Variants in GOLGB1 observed in about 807,000 individuals in gnomAD.
GOLGB1 encodes the protein golgin subfamily B member 1.
Under a neutral mutation model 336.9 loss-of-function variants are expected in GOLGB1, and 174 were observed. The ratio of observed to expected loss-of-function variants is 0.52; its 90% CI spans 0.46 to 0.59. The LOEUF (loss-of-function observed/expected upper bound fraction) is 0.59. GOLGB1 is among the 20% of genes least tolerant of loss of function. The pLI, the probability that GOLGB1 is intolerant of heterozygous loss-of-function variation, is 0.00. For missense variants in GOLGB1, 3,331 were observed against 3,645.3 expected (o/e 0.91, Z 2.22); for synonymous variants, 1,208 against 1,289.2 (o/e 0.94, Z 1.35).
In GOLGB1 at chr3:121,664,984, G is replaced by A; in HGVS notation, c.9602C>T (p.Ser3201Phe). ...CAGTGCCTGCTCCTGAGTGCCACAG[G>A]AGCCAATGATAGGAGTCCGGGAAGA... ...WDSSRTPIIG[S>F]CGTQEQALLI... The change falls in exon 21 of 22, where the codon TCC becomes TTC. Residue 3201 changes from serine (S) to phenylalanine (F), a missense_variant. Coordinates refer to ENST00000614479, the MANE Select transcript of GOLGB1 (RefSeq NM_001366282.2). 3 of 1,612,444 alleles carry A rather than the reference G, an allele frequency of 1.9e-6. No homozygotes were observed. Among genetic ancestry groups the A allele is most frequent in the East Asian group, 2.2e-5 (1 of 44,872 alleles).
chr3:121,693,943 C>G lies in GOLGB1; in HGVS notation c.6580G>C (p.Ala2194Pro). ...NLDSTVTQLA[A>P]FTKSMSSLQD... ...AGGGAAGACATGCTCTTAGTAAAGG[C>G]TGCAAGCTGGGTCACAGTACTGTCC... The change falls in exon 13 of 22, where the codon GCC becomes CCC. Residue 2194 changes from alanine to proline, a missense_variant. By Grantham distance (27) the Ala-to-Pro change is conservative. Transcript: ENST00000614479. 6.2e-7 allele frequency: 1 copy of G among 1,614,082 alleles called. No homozygotes were observed. Among genetic ancestry groups the G allele is most frequent in the South Asian group, 1.1e-5 (1 of 91,082 alleles).
chr3:121,667,943 G>A, intron 19 of GOLGB1, 118 bp downstream of exon 19: 2 of 593,164 alleles, frequency 3.4e-6, no homozygotes, highest in South Asian at 4.9e-5. Context: ...ACTTCTGTGA[G>A]GCTAATAAGA....
At chr3:121,690,366 CAT>C (rs547575308) in intron 14 of GOLGB1, among the ~76,000 whole-genome samples, 103 of 152,274 alleles carry the variant, frequency 6.8e-4, no homozygotes, top group African/African-American at 2.2e-3. Flanking sequence ...AACATTTACA[CAT>C]GTCTTTGTGT....
At chr3:121,685,428 G>A (rs1314688881) in intron 14 of GOLGB1, among the ~76,000 whole-genome samples, 12 of 152,090 alleles carry the variant, frequency 7.9e-5, no homozygotes, top group Admixed American at 2.0e-4. Flanking sequence ...CCAGCTACTC[G>A]GGAGGCTGAG....
At chr3:121,726,433 C>CAAAAAAAAAAAAA (rs10547964) in intron 5 of GOLGB1, among the ~76,000 whole-genome samples, 1 of 61,452 alleles carries the variant, frequency 1.6e-5, no homozygotes, top group African/African-American at 6.9e-5. Context: ...CACCCTGTCT[C>CAAAAAAAAAAAAA]AAAAAAAAAA....
intron 5 of GOLGB1, among the ~76,000 whole-genome samples, chr3:121,722,971 C>G (rs1290106283): frequency 1.3e-5 from 2 of 152,142 alleles, no homozygotes; most frequent in African/African-American, 2.4e-5. Flanking sequence ...TGAACTCTCA[C>G]AACTGACTCA....
rs577144007 is a variant in GOLGB1, at chr3:121,725,269, C to A, written c.531+1644G>T. 1.6e-4 allele frequency among the ~76,000 whole-genome samples: 25 copies of A among 152,322 alleles called. No individual in the cohort carries two copies. The South Asian group carries it at 5.0e-3, about 30-fold the overall frequency. ...AGTCAGCCTGGGAATGCTGGCTGGA[C>A]TAAGCCCAGCAAAGCCATAGGGACA... is the stretch of plus-strand genomic sequence containing the variant. On this transcript the variant is annotated intron_variant, in intron 5 of 21. Transcript: ENST00000614479.
At chr3:121,684,750 T>C (rs985654998) in intron 14 of GOLGB1, among the ~76,000 whole-genome samples, 4 of 152,178 alleles carry the variant, frequency 2.6e-5, no homozygotes, top group Non-Finnish European at 4.4e-5. Context: ...AAATTTACCT[T>C]CCACATACCA....
chr3:121,748,153 T>C (rs999850205), intron 1 of GOLGB1, among the ~76,000 whole-genome samples: 1 of 152,154 alleles, frequency 6.6e-6, no homozygotes, highest in Non-Finnish European at 1.5e-5. Flanking sequence ...AGAGTCTGGA[T>C]GCCAGAAATG....
chr3:121,743,263 C>T (rs1315390272), intron 1 of GOLGB1, among the ~76,000 whole-genome samples: 1 of 152,172 alleles, frequency 6.6e-6, no homozygotes, highest in Non-Finnish European at 1.5e-5. Context: ...GGCACATATA[C>T]ACCATGGAAT....
chr3:121,684,025 G>A (rs1941414986), intron 14 of GOLGB1, among the ~76,000 whole-genome samples: 1 of 150,960 alleles, frequency 6.6e-6, no homozygotes, highest in African/African-American at 2.4e-5. Context: ...CTACTCATTA[G>A]GCTGAGGCAG....
chr3:121,691,160 G>C lies in GOLGB1; in HGVS notation c.8204C>G (p.Thr2735Arg), dbSNP rs776862953. 5 of 1,613,552 alleles carry C rather than the reference G, an allele frequency of 3.1e-6. No individual in the cohort carries two copies. The Admixed American group carries it at 8.3e-5, about 27-fold the overall frequency. Residue 2735 changes from threonine to arginine, a missense_variant, in exon 14 of 22, where the codon ACA (threonine) becomes AGA (arginine). Physicochemically the swap from Thr to Arg is moderately conservative, Grantham distance 71. Transcript: ENST00000614479. ...CCTTCCAAAAGACTGAATTTGTGCT[G>C]TGAGACCTTTATTTTCTTTGGTGAC... ...LMVTKENKGL[T>R]AQIQSFGRSM...
chr3:121,715,838 C>T (rs533258999), intron 9 of GOLGB1, among the ~76,000 whole-genome samples: 4 of 151,816 alleles, frequency 2.6e-5, no homozygotes, highest in Non-Finnish European at 5.9e-5. Flanking sequence ...ACTAAAAATA[C>T]AAAATTAGCC....
rs201378767 is a variant in GOLGB1 at position 121,677,212 on chromosome 3, AC to A, written c.9039+72del. The A allele has an allele frequency of 4.1e-4, 543 of 1,330,634 alleles. 6 individuals are homozygous for A. Among genetic ancestry groups the A allele is most frequent in the African/African-American group, 2.0e-3 (137 of 66,848 alleles). 82.4% of individuals were successfully genotyped at this position (1,330,634 alleles called of 1,614,324 possible). ...TTCTGGGTAGCGTCTTAAAAAAAAA[AC>A]AAAACCCTGCAATCATCATCATTTG... On this transcript the variant is annotated intron_variant, in intron 16 of 21. Coordinates refer to ENST00000614479, the MANE Select transcript of GOLGB1 (RefSeq NM_001366282.2).
chr3:121,672,414 C>T, intron 17 of GOLGB1, among the ~76,000 whole-genome samples: 1 of 152,040 alleles, frequency 6.6e-6, no homozygotes, highest in Non-Finnish European at 1.5e-5. Flanking sequence ...ATCTGTTGGC[C>T]ATTTGTATGT....
At chr3:121,738,333 TCCCACATA>T (rs1946626636) in intron 1 of GOLGB1, among the ~76,000 whole-genome samples, 1 of 152,140 alleles carries the variant, frequency 6.6e-6, no homozygotes, top group Non-Finnish European at 1.5e-5. Context: ...CTTCCTTTAT[TCCCACATA>T]AAAACAGACA....
chr3:121,740,225 A>G (rs1576482873), intron 1 of GOLGB1, among the ~76,000 whole-genome samples: 1 of 152,238 alleles, frequency 6.6e-6, no homozygotes, highest in Non-Finnish European at 1.5e-5. Context: ...ACAAATGAAT[A>G]TACAAGTAAA....
intron 10 of GOLGB1, among the ~76,000 whole-genome samples, chr3:121,702,925 A>G (rs1943523052): frequency 6.6e-6 from 1 of 152,232 alleles, no homozygotes; most frequent in Non-Finnish European, 1.5e-5. Context: ...TTACAAGATT[A>G]GATTAATGTC....
At chr3:121,684,645 T>A (rs1238082930) in intron 14 of GOLGB1, among the ~76,000 whole-genome samples, 1 of 152,218 alleles carries the variant, frequency 6.6e-6, no homozygotes, top group Non-Finnish European at 1.5e-5. Context: ...TAAACCAATG[T>A]CTTCACAATT....
Sources: gnomAD v4.1 joint callset for allele counts (sites outside exome capture counted in the v4.1 genomes callset) on GRCh38, gnomAD v4.1.1 for gene constraint, MANE v1.5 for transcripts, NCBI Gene and HGNC (gene_info 2026-07-23, HGNC 2026-07-21) for gene names.